Variants in PBRM1 observed in about 807,000 individuals in gnomAD.
PBRM1 encodes protein polybromo-1.
Under a neutral mutation model 194.5 loss-of-function variants are expected in PBRM1, and 27 were observed. That is an observed-to-expected ratio of 0.14 (90% CI 0.10 to 0.19). The LOEUF (loss-of-function observed/expected upper bound fraction) is 0.19, where lower values mean the gene tolerates loss of function less well. Among genes scored for constraint, PBRM1 ranks in the 10% least tolerant of loss-of-function variants. PBRM1 has a pLI of 1.00. For missense variants in PBRM1, 1,466 were observed against 2,077.2 expected (o/e 0.71, Z 5.72); for synonymous variants, 655 against 693.2 (o/e 0.94, Z 0.87).
chr3:52,559,946 G>GAA lies in PBRM1; in HGVS notation c.4289-1535_4289-1534dup, dbSNP rs11419126. Among the ~76,000 whole-genome samples the GAA allele has an allele frequency of 2.0e-4, 30 of 147,834 alleles. No homozygotes were observed. The East Asian group carries it at 2.8e-3, about 14-fold the overall frequency. Reference sequence around the variant, plus strand: ...AGTGGGAAAGCAAAAAAATGAAATGGAAAAAAAAAAATAAGGCCTGTGGAT... The same window carrying GAA: ...AGTGGGAAAGCAAAAAAATGAAATGGAAAAAAAAAAAAATAAGGCCTGTGGAT... On this transcript the variant is annotated intron_variant, in intron 25 of 29. Transcript: ENST00000296302.
At chr3:52,639,018 CTTG>C (rs903274946) in intron 10 of PBRM1, among the ~76,000 whole-genome samples, 4 of 127,326 alleles carry the variant, frequency 3.1e-5, no homozygotes, top group Middle Eastern at 4.2e-3. Context: ...AAGTTTTGCT[CTTG>C]TTGTCCAGGC....
intron 13 of PBRM1, among the ~76,000 whole-genome samples, chr3:52,617,817 T>G (rs1180677077): frequency 6.6e-6 from 1 of 152,172 alleles, no homozygotes; most frequent in African/African-American, 2.4e-5. Context: ...TGAAATAAGA[T>G]CCTCTCTGAT....
chr3:52,658,720 T>C (rs994840141), intron 4 of PBRM1, among the ~76,000 whole-genome samples: 20 of 152,182 alleles, frequency 1.3e-4, no homozygotes, highest in African/African-American at 4.6e-4. Flanking sequence ...GCAGTACTTA[T>C]TTTAACTCCA....
intron 3 of PBRM1, among the ~76,000 whole-genome samples, chr3:52,664,835 CAG>C (rs2096799061): frequency 6.6e-6 from 1 of 151,854 alleles, no homozygotes; most frequent in Admixed American, 6.6e-5. Flanking sequence ...GACACCCAAT[CAG>C]AGTTACTACA....
intron 2 of PBRM1, among the ~76,000 whole-genome samples, chr3:52,673,595 C>T (rs1223734252): frequency 6.7e-6 from 1 of 149,032 alleles, no homozygotes; most frequent in African/African-American, 2.5e-5. Context: ...TTGCTTGAAC[C>T]CAGGAGGTGG....
chr3:52,599,770 C>CA (rs1266981745), intron 17 of PBRM1, among the ~76,000 whole-genome samples: 1 of 151,006 alleles, frequency 6.6e-6, no homozygotes, highest in Non-Finnish European at 1.5e-5. Flanking sequence ...GTGGAGCTTG[C>CA]AGTGAACTGA....
At chr3:52,682,476 T>C (rs1438051289), upstream of PBRM1, among the ~76,000 whole-genome samples, 3 of 152,080 alleles carry the variant, frequency 2.0e-5, no homozygotes, top group Non-Finnish European at 2.9e-5. Context: ...ATTATCAGCA[T>C]GTGTATGTCG....
intron 22 of PBRM1, among the ~76,000 whole-genome samples, chr3:52,572,024 C>A (rs571959411): frequency 1.3e-5 from 2 of 150,600 alleles, no homozygotes; most frequent in African/African-American, 4.9e-5. Context: ...GATAACAAAG[C>A]GAGATCTTGT....
intron 2 of PBRM1, among the ~76,000 whole-genome samples, chr3:52,676,150 AAAT>A (rs80050956): frequency 0.064 from 2,650 of 41,392 alleles, 777 homozygotes; most frequent in Non-Finnish European, 0.14. Flanking sequence ...AAAAAAAAAA[AAAT>A]AATGAATGAA....
chr3:52,640,462 C>A (rs58592632), intron 10 of PBRM1, among the ~76,000 whole-genome samples: 25 of 151,738 alleles, frequency 1.6e-4, no homozygotes, highest in Non-Finnish European at 2.4e-4. Context: ...GTAGAGACAG[C>A]GTTTTGCCAT....
chr3:52,566,175 A>C (rs925276199), intron 22 of PBRM1, among the ~76,000 whole-genome samples: 6 of 152,140 alleles, frequency 3.9e-5, no homozygotes, highest in African/African-American at 1.4e-4. Context: ...TAAAAAAAAA[A>C]CCCAAAACAG....
At chr3:52,637,773 CAAAAAAAAAAAAA>C (rs755241328) in intron 10 of PBRM1, among the ~76,000 whole-genome samples, 5 of 42,236 alleles carry the variant, frequency 1.2e-4, no homozygotes, top group Admixed American at 3.4e-4. Flanking sequence ...ACTAAAAATA[CAAAAAAAAAAAAA>C]AAAAAAAAAA....
chr3:52,659,246 C>A (rs533199041), intron 4 of PBRM1, among the ~76,000 whole-genome samples: 1 of 152,222 alleles, frequency 6.6e-6, no homozygotes, highest in Admixed American at 6.5e-5. Flanking sequence ...AAGTCTGAAG[C>A]AAGTTTCTAG....
At chr3:52,685,161 G>T (rs1180104428) in intron 1 of PBRM1, among the ~76,000 whole-genome samples, 1 of 151,902 alleles carries the variant, frequency 6.6e-6, no homozygotes, top group Non-Finnish European at 1.5e-5. Context: ...CTATATTTTT[G>T]CAACTCTTTC....
intron 5 of PBRM1, among the ~76,000 whole-genome samples, chr3:52,653,308 G>A (rs1000221826): frequency 7.2e-5 from 11 of 152,178 alleles, no homozygotes; most frequent in African/African-American, 2.6e-4. Context: ...AATGAAGCAC[G>A]GCTGGGCATG....
At chr3:52,597,290 T>G (rs1362417904) in intron 17 of PBRM1, among the ~76,000 whole-genome samples, 1 of 152,196 alleles carries the variant, frequency 6.6e-6, no homozygotes, top group East Asian at 1.9e-4. Context: ...AAGGTGCACT[T>G]TCTGTGTGTA....
intron 10 of PBRM1, among the ~76,000 whole-genome samples, chr3:52,638,602 C>CT (rs34959878): frequency 0.45 from 68,300 of 150,732 alleles, 15,745 homozygotes; most frequent in Admixed American, 0.52. Context: ...CGTATTCTCT[C>CT]TTTTTTTAAG....
chr3:52,647,955 C>A lies in PBRM1; in HGVS notation c.813+389G>T, dbSNP rs931341840. 2.2e-4 allele frequency among the ~76,000 whole-genome samples: 34 copies of A among 151,652 alleles called. 1 individual carries two copies. Among genetic ancestry groups the A allele is most frequent in the Admixed American group, 2.2e-3 (34 of 15,224 alleles). ...TTTTTGAGACAGAGTCTTGCACTGTCGCCCGGGCTGGAGTGCAATCTCAGC... is the reference window on the plus strand; with the variant it reads ...TTTTTGAGACAGAGTCTTGCACTGTAGCCCGGGCTGGAGTGCAATCTCAGC... On this transcript the variant is annotated intron_variant, in intron 7 of 29. Coordinates refer to ENST00000296302, the Ensembl canonical transcript of PBRM1.
intron 3 of PBRM1, among the ~76,000 whole-genome samples, chr3:52,664,973 A>G (rs1374479218): frequency 1.3e-5 from 2 of 152,188 alleles, no homozygotes; most frequent in Admixed American, 6.5e-5. Context: ...ACATCTAAAT[A>G]TATCACAATG....
Sources: gnomAD v4.1 joint callset for allele counts (sites outside exome capture counted in the v4.1 genomes callset) on GRCh38, gnomAD v4.1.1 for gene constraint, MANE v1.5 for transcripts, NCBI Gene and HGNC (gene_info 2026-07-23, HGNC 2026-07-21) for gene names.